TMEM62: variants seen among roughly 807,000 people sequenced by gnomAD.
TMEM62 encodes the protein transmembrane protein 62.
Under a neutral mutation model 70.4 loss-of-function variants are expected in TMEM62, and 41 were observed. The ratio of observed to expected loss-of-function variants is 0.58; its 90% CI spans 0.45 to 0.76. TMEM62 has a LOEUF of 0.76. Among genes scored for constraint, TMEM62 ranks in the 30% least tolerant of loss-of-function variants. TMEM62 has a pLI of 0.00. For missense variants in TMEM62, 688 were observed against 788.5 expected (o/e 0.87, Z 1.53); for synonymous variants, 268 against 291.0 (o/e 0.92, Z 0.80).
chr15:43,134,967 T>C (rs17777687), intron 2 of TMEM62, among the ~76,000 whole-genome samples: 4,516 of 152,326 alleles, frequency 0.03, 98 homozygotes, highest in South Asian at 0.081. Flanking sequence ...TATTGAAGCA[T>C]CTCTGCTGAC....
chr15:43,179,171 G>C (rs1339815083), intron 12 of TMEM62, among the ~76,000 whole-genome samples: 1 of 152,136 alleles, frequency 6.6e-6, no homozygotes, highest in African/African-American at 2.4e-5. Flanking sequence ...GCTGAGGCGA[G>C]AGTACTGCTT....
At chr15:43,160,646 C>T (rs2038586402) in intron 9 of TMEM62, 35 bp from the exon 10 acceptor site, 1 of 1,154,044 alleles carries the variant, frequency 8.7e-7, no homozygotes, top group Non-Finnish European at 1.3e-6. Flanking sequence ...TTTCCATGTA[C>T]ATGAAAGTTA....
intron 11 of TMEM62, among the ~76,000 whole-genome samples, chr15:43,174,091 T>C (rs2040491337): frequency 1.3e-5 from 2 of 152,108 alleles, no homozygotes; most frequent in South Asian, 4.1e-4. Context: ...CTCAAACTCC[T>C]GACCTCAGGT....
chr15:43,135,695 C>A, intron 3 of TMEM62, 46 bp downstream of exon 3: 1 of 1,521,890 alleles, frequency 6.6e-7, no homozygotes, highest in South Asian at 1.3e-5. Context: ...GTTTTTTTCC[C>A]CCTTCAGGAA....
chr15:43,183,312 C>G (rs1259284982), intron 13 of TMEM62, among the ~76,000 whole-genome samples: 1 of 152,248 alleles, frequency 6.6e-6, no homozygotes, highest in Admixed American at 6.5e-5. Flanking sequence ...TCCTTACTCT[C>G]AGCTTAATAC....
At chr15:43,162,651 T>G (rs1228790190) in intron 10 of TMEM62, among the ~76,000 whole-genome samples, 1 of 151,582 alleles carries the variant, frequency 6.6e-6, no homozygotes, top group Non-Finnish European at 1.5e-5. Flanking sequence ...AGGCTGGTCT[T>G]GAACTCCTGA....
At chr15:43,150,275 T>TG (rs1350986873) in intron 7 of TMEM62, among the ~76,000 whole-genome samples, 1 of 152,272 alleles carries the variant, frequency 6.6e-6, no homozygotes, top group Non-Finnish European at 1.5e-5. Flanking sequence ...TGTCTGTTCA[T>TG]GGCTGTGAGG....
chr15:43,145,214 T>A (rs1322880767), intron 4 of TMEM62, among the ~76,000 whole-genome samples: 10 of 147,792 alleles, frequency 6.8e-5, no homozygotes, highest in Middle Eastern at 3.4e-3. Context: ...TTTTTTTTTT[T>A]TTTTTTTTGA....
rs749550923 is a variant in TMEM62 at position 43,151,857 on chromosome 15, G to A, written c.934G>A (p.Val312Met). ...FADLIFGKWP[V>M]VLITNPKSLL... ...AGATTTGATCTTTGGGAAGTGGCCTGTGGTTCTTATCACCAATCCTAAATC... is the reference window on the plus strand; with the variant it reads ...AGATTTGATCTTTGGGAAGTGGCCTATGGTTCTTATCACCAATCCTAAATC... The change falls in exon 8 of 14, where the codon GTG becomes ATG. Residue 312 changes from valine to methionine, a missense_variant. By Grantham distance (21) the Val-to-Met change is conservative (BLOSUM62 1). Coordinates refer to ENST00000260403, the MANE Select transcript of TMEM62 (RefSeq NM_024956.4). 2 of 1,613,948 alleles carry A rather than the reference G, an allele frequency of 1.2e-6. No individual in the cohort carries two copies. The highest frequency in any genetic ancestry group is 1.3e-5 in the African/African-American group (1 of 74,936).
intron 8 of TMEM62, among the ~76,000 whole-genome samples, 178 bp downstream of exon 8, chr15:43,152,123 C>A (rs1485067045): frequency 6.6e-6 from 1 of 152,118 alleles, no homozygotes; most frequent in Non-Finnish European, 1.5e-5. Flanking sequence ...AAAAGCATAT[C>A]ATTTTTTTAA....
intron 12 of TMEM62, chr15:43,180,695 T>C (rs2041250775): frequency 1.3e-5 from 2 of 152,440 alleles, no homozygotes; most frequent in African/African-American, 4.8e-5. Context: ...GTAATGACTG[T>C]GGGCCTTCAA....
intron 10 of TMEM62, among the ~76,000 whole-genome samples, chr15:43,162,433 C>CTTTTTTTTTTT (rs1169921008): frequency 1.3e-4 from 18 of 137,018 alleles, no homozygotes; most frequent in African/African-American, 4.9e-4. Flanking sequence ...GCCCCTGGCC[C>CTTTTTTTTTTT]TTTTTTTTTT....
chr15:43,174,220 C>T (rs567541533), intron 11 of TMEM62, among the ~76,000 whole-genome samples: 1 of 152,174 alleles, frequency 6.6e-6, no homozygotes, highest in East Asian at 1.9e-4. Flanking sequence ...GCCCCCAGCA[C>T]CAAATTTGTG....
At chr15:43,153,238 CTA>C (rs2037621900) in intron 8 of TMEM62, among the ~76,000 whole-genome samples, 1 of 151,978 alleles carries the variant, frequency 6.6e-6, no homozygotes, top group Non-Finnish European at 1.5e-5. Flanking sequence ...GCTAAAATCA[CTA>C]TTTTTAATCA....
chr15:43,153,518 A>G (rs2037658733), intron 8 of TMEM62, among the ~76,000 whole-genome samples: 1 of 152,248 alleles, frequency 6.6e-6, no homozygotes, highest in African/African-American at 2.4e-5. Context: ...TAGCTAACTC[A>G]TATAAGTGGA....
chr15:43,135,946 GTATA>G (rs1432867941), intron 3 of TMEM62, among the ~76,000 whole-genome samples: 1 of 151,900 alleles, frequency 6.6e-6, no homozygotes, highest in Non-Finnish European at 1.5e-5. Context: ...TGTTACATAG[GTATA>G]TATGTGCCAT....
intron 4 of TMEM62, among the ~76,000 whole-genome samples, chr15:43,140,789 C>T (rs1196173687): frequency 6.6e-6 from 1 of 152,226 alleles, no homozygotes; most frequent in Non-Finnish European, 1.5e-5. Context: ...AGAGCTTCAG[C>T]AGGCGGTACA....
chr15:43,134,942 A>G (rs542926277), intron 2 of TMEM62, among the ~76,000 whole-genome samples: 181 of 152,326 alleles, frequency 1.2e-3, no homozygotes, highest in Non-Finnish European at 2.0e-3. Context: ...TGGGGAATTC[A>G]TCACTCATCC....
chr15:43,165,084 C>T (rs1367041125), intron 10 of TMEM62, among the ~76,000 whole-genome samples: 2 of 151,980 alleles, frequency 1.3e-5, no homozygotes, highest in Admixed American at 6.5e-5. Flanking sequence ...CCTTCTTGTA[C>T]CTGAATATTG....
Sources: allele counts gnomAD v4.1 joint callset (sites outside exome capture counted in the v4.1 genomes callset), GRCh38; gene constraint gnomAD v4.1.1; transcripts MANE v1.5; gene names NCBI Gene and HGNC (gene_info 2026-07-23, HGNC 2026-07-21).